The following REDIC1 variants were observed in gnomAD, a reference collection of about 807,000 sequenced individuals.
REDIC1 encodes the protein regulator of DNA class I crossover intermediates 1.
chr12:39,748,568 C>G, the REDIC1 span, among the ~76,000 whole-genome samples: 1 of 152,176 alleles, frequency 6.6e-6, no homozygotes, highest in Admixed American at 6.5e-5. Flanking sequence ...ACCAAGCAGA[C>G]CTAATAGACA....
chr12:39,864,984 A>C, the REDIC1 span: 6 of 1,088,572 alleles, frequency 5.5e-6, no homozygotes, highest in Non-Finnish European at 7.7e-6. Flanking sequence ...AACAAACAAA[A>C]ACTCCTGAAA....
chr12:39,739,741 T>TA, the REDIC1 span, among the ~76,000 whole-genome samples: 1 of 152,220 alleles, frequency 6.6e-6, no homozygotes, highest in Non-Finnish European at 1.5e-5. Flanking sequence ...TACCCCTGTC[T>TA]ATATTCACAT....
chr12:39,627,220 G>A, the REDIC1 span, among the ~76,000 whole-genome samples: 5 of 152,156 alleles, frequency 3.3e-5, no homozygotes, highest in Non-Finnish European at 5.9e-5. Context: ...GATAATTTTA[G>A]CATGCACTTT....
the REDIC1 span, among the ~76,000 whole-genome samples, chr12:39,693,109 G>A: frequency 6.6e-6 from 1 of 152,088 alleles, no homozygotes; most frequent in Admixed American, 6.5e-5. Flanking sequence ...TTTATGGAAT[G>A]TGTCTTTAAT....
At chr12:39,792,980 T>G in the REDIC1 span, among the ~76,000 whole-genome samples, 1 of 152,200 alleles carries the variant, frequency 6.6e-6, no homozygotes, top group Non-Finnish European at 1.5e-5. Context: ...TTTTCCTTTA[T>G]GCCCTGTGTT....
At chr12:39,629,444 A>G in the REDIC1 span, among the ~76,000 whole-genome samples, 1 of 152,218 alleles carries the variant, frequency 6.6e-6, no homozygotes, top group Non-Finnish European at 1.5e-5. Context: ...GAAACCTGAT[A>G]TAGTGAGTTT....
the REDIC1 span, among the ~76,000 whole-genome samples, chr12:39,693,869 C>T: frequency 6.6e-6 from 1 of 152,060 alleles, no homozygotes; most frequent in Non-Finnish European, 1.5e-5. Context: ...TGCTGAATTT[C>T]AATTTTGATA....
the REDIC1 span, among the ~76,000 whole-genome samples, chr12:39,663,279 T>A: frequency 6.6e-6 from 1 of 152,060 alleles, no homozygotes; most frequent in Non-Finnish European, 1.5e-5. Context: ...TTTATGAATC[T>A]TGTTGCTCTA....
chr12:39,704,515 G>A, the REDIC1 span, among the ~76,000 whole-genome samples: 1 of 152,288 alleles, frequency 6.6e-6, no homozygotes, highest in Admixed American at 6.5e-5. Context: ...GCAGTGTGGC[G>A]ATTCCTCAGG....
At chr12:39,897,054 T>C in the REDIC1 span, among the ~76,000 whole-genome samples, 4 of 152,122 alleles carry the variant, frequency 2.6e-5, no homozygotes, top group Non-Finnish European at 5.9e-5. Context: ...TCAATGCTTA[T>C]TTTCCTGAGA....
the REDIC1 span, among the ~76,000 whole-genome samples, chr12:39,707,908 G>A: frequency 6.6e-6 from 1 of 151,808 alleles, no homozygotes; most frequent in African/African-American, 2.4e-5. Flanking sequence ...GCCAGGCACA[G>A]AAAGACAAAC....
the REDIC1 span, among the ~76,000 whole-genome samples, chr12:39,866,725 A>C: frequency 2.8e-4 from 43 of 152,228 alleles, no homozygotes; most frequent in Middle Eastern, 6.8e-3. Context: ...GTGATCCGCC[A>C]GCCTCGGCCT....
chr12:39,649,961 G>A, the REDIC1 span, among the ~76,000 whole-genome samples: 1 of 151,198 alleles, frequency 6.6e-6, no homozygotes, highest in East Asian at 1.9e-4. Flanking sequence ...GTGTTTTTTT[G>A]TTTTTTTATT....
chr12:39,654,936 G>A, the REDIC1 span, among the ~76,000 whole-genome samples: 1 of 152,104 alleles, frequency 6.6e-6, no homozygotes, highest in Admixed American at 6.6e-5. Flanking sequence ...AGATTGTCTA[G>A]TTTGTTCTTG....
the REDIC1 span, among the ~76,000 whole-genome samples, chr12:39,817,160 G>C: frequency 2.2e-3 from 336 of 152,322 alleles, 1 homozygote; most frequent in African/African-American, 7.2e-3. Context: ...TTGGGAAAAA[G>C]TGTACTAATT....
chr12:39,791,190 C>T, the REDIC1 span, among the ~76,000 whole-genome samples: 5 of 151,510 alleles, frequency 3.3e-5, no homozygotes, highest in African/African-American at 1.2e-4. Flanking sequence ...ATGCTAAAAA[C>T]TCTCAATAAA....
At chr12:39,657,453 G>A in the REDIC1 span, among the ~76,000 whole-genome samples, 1 of 152,172 alleles carries the variant, frequency 6.6e-6, no homozygotes, top group African/African-American at 2.4e-5. Flanking sequence ...AGTGATACAT[G>A]ATTGTAATTT....
the REDIC1 span, among the ~76,000 whole-genome samples, chr12:39,639,193 AT>A: frequency 6.6e-6 from 1 of 151,720 alleles, no homozygotes; most frequent in East Asian, 1.9e-4. Flanking sequence ...GTAAAATGAA[AT>A]TTTTTTTCAT....
chr12:39,897,779 T>C, the REDIC1 span, among the ~76,000 whole-genome samples: 1 of 152,188 alleles, frequency 6.6e-6, no homozygotes, highest in African/African-American at 2.4e-5. Flanking sequence ...TTTTCCTTCA[T>C]TTACTTTTAA....
Sources: allele counts gnomAD v4.1 joint callset (sites outside exome capture counted in the v4.1 genomes callset), GRCh38; gene constraint gnomAD v4.1.1; transcripts MANE v1.5; gene names NCBI Gene and HGNC (gene_info 2026-07-23, HGNC 2026-07-21).